Variants in ASTN1 observed in about 807,000 individuals in gnomAD.
ASTN1 encodes astrotactin 1, also known as astrotactin-1.
In ASTN1, 41 loss-of-function variants were observed where a neutral mutation model predicts 140.7. The observed-to-expected ratio is 0.29, with a 90% CI of 0.23 to 0.38. The LOEUF is 0.38. Ranked by LOEUF, ASTN1 falls within the 10% of genes least tolerant of loss-of-function variation. The pLI is 1.00. For synonymous variants in ASTN1, 640 were observed against 652.2 expected, an observed-to-expected ratio of 0.98 and a Z score of 0.29; for missense variants, 1,479 against 1,678.8, an observed-to-expected ratio of 0.88 and a Z score of 2.08.
At chr1:177,088,464 C>A (rs1047347027) in intron 1 of ASTN1, among the ~76,000 whole-genome samples, 1 of 152,126 alleles carries the variant, frequency 6.6e-6, no homozygotes, top group Non-Finnish European at 1.5e-5. Context: ...TCACCATGTG[C>A]CCGACTGGAT....
At chr1:176,879,089 C>T (rs1343653919) in intron 20 of ASTN1, among the ~76,000 whole-genome samples, 3 of 152,214 alleles carry the variant, frequency 2.0e-5, no homozygotes, top group Non-Finnish European at 4.4e-5. Context: ...CAGGCTGATG[C>T]TCTCAGGCCA....
chr1:177,024,287 C>T (rs1675984150), intron 6 of ASTN1, among the ~76,000 whole-genome samples: 1 of 152,176 alleles, frequency 6.6e-6, no homozygotes, highest in South Asian at 2.1e-4. Context: ...TTGGTGCCTT[C>T]CTTCCTCTAG....
intron 8 of ASTN1, among the ~76,000 whole-genome samples, chr1:177,011,645 T>A (rs997143843): frequency 1.4e-5 from 2 of 143,838 alleles, no homozygotes; most frequent in African/African-American, 2.6e-5. Context: ...CAGGCACCAC[T>A]CACACACACA....
At chr1:177,132,715 C>G (rs960666501) in intron 1 of ASTN1, among the ~76,000 whole-genome samples, 10 of 152,204 alleles carry the variant, frequency 6.6e-5, no homozygotes, top group Non-Finnish European at 4.4e-5. Flanking sequence ...ACTCTGCAAG[C>G]CACCTCGTAT....
At chr1:177,070,619 A>G (rs1444737092) in intron 1 of ASTN1, among the ~76,000 whole-genome samples, 1 of 152,106 alleles carries the variant, frequency 6.6e-6, no homozygotes, top group Non-Finnish European at 1.5e-5. Flanking sequence ...CCCTTTCAGT[A>G]TTCATGAACT....
chr1:176,911,882 C>A (rs749470081), intron 16 of ASTN1, among the ~76,000 whole-genome samples: 3 of 152,172 alleles, frequency 2.0e-5, no homozygotes, highest in Non-Finnish European at 4.4e-5. Context: ...CGACTGGCAG[C>A]GCAGTAGTTT....
intron 16 of ASTN1, 102 bp downstream of exon 16, chr1:176,934,050 T>C: frequency 1.6e-6 from 2 of 1,230,222 alleles, no homozygotes; most frequent in Non-Finnish European, 2.2e-6. Context: ...AAAATCTGAT[T>C]GAGTCGTTAC....
chr1:177,126,141 A>C (rs113202034), intron 1 of ASTN1, among the ~76,000 whole-genome samples: 2,396 of 152,202 alleles, frequency 0.016, 23 homozygotes, highest in South Asian at 0.026. Context: ...CCTTGCTGTC[A>C]GTGCTTTTAT....
intron 1 of ASTN1, among the ~76,000 whole-genome samples, chr1:177,130,849 G>GCATT (rs1681906935): frequency 6.6e-6 from 1 of 152,226 alleles, no homozygotes; most frequent in South Asian, 2.1e-4. Flanking sequence ...CTGGCATGCA[G>GCATT]CATTCTCTCT....
intron 7 of ASTN1, among the ~76,000 whole-genome samples, chr1:177,022,570 C>T (rs1469715738): frequency 6.6e-6 from 1 of 152,156 alleles, no homozygotes; most frequent in Non-Finnish European, 1.5e-5. Flanking sequence ...AGAATTTGAA[C>T]CCTCCCTCAG....
intron 4 of ASTN1, among the ~76,000 whole-genome samples, chr1:177,030,309 T>A (rs1047147266): frequency 2.6e-5 from 4 of 152,222 alleles, no homozygotes; most frequent in Admixed American, 2.0e-4. Flanking sequence ...AAAGGTTTTT[T>A]AATCTCTCTT....
chr1:177,064,817 G>T (rs1325928159), intron 1 of ASTN1, among the ~76,000 whole-genome samples: 1 of 152,230 alleles, frequency 6.6e-6, no homozygotes, highest in African/African-American at 2.4e-5. Flanking sequence ...TGGCACAGAA[G>T]TGCTACAATG....
intron 14 of ASTN1, among the ~76,000 whole-genome samples, chr1:176,937,847 A>G (rs894193017): frequency 6.6e-6 from 1 of 152,158 alleles, no homozygotes; most frequent in Non-Finnish European, 1.5e-5. Context: ...ATTTCGACCC[A>G]TGTTTCTTTC....
chr1:176,860,961 A>T, downstream of ASTN1: 1 of 490,122 alleles, frequency 2.0e-6, no homozygotes, highest in Non-Finnish European at 2.6e-6. Flanking sequence ...TATAAGGCCC[A>T]TTATGTCTGG....
chr1:177,160,389 T>G (rs1647288455), intron 1 of ASTN1, among the ~76,000 whole-genome samples: 1 of 152,226 alleles, frequency 6.6e-6, no homozygotes, highest in African/African-American at 2.4e-5. Context: ...TGTGGGAATT[T>G]ACTACATCTC....
rs760547197 is a variant in ASTN1 at position 176,965,153 on chromosome 1, A to G, written c.1598+10T>C. 8 of 1,613,086 alleles carry G rather than the reference A, an allele frequency of 5.0e-6. No homozygotes were observed. Among genetic ancestry groups the G allele is most frequent in the Non-Finnish European group, 6.8e-6 (8 of 1,179,206 alleles). On this transcript the variant is annotated intron_variant, in intron 9 of 22. Coordinates refer to ENST00000361833, the MANE Select transcript of ASTN1 (RefSeq NM_004319.3). ...GACGTACATAAGCAAGTCCCTAGAC[A>G]ATCACTTACCTAAATATTTTATCAG...
At chr1:177,027,713 AGTGTGTGTGTGTGTGTGTGT>A (rs56405518) in intron 5 of ASTN1, among the ~76,000 whole-genome samples, 46 of 118,658 alleles carry the variant, frequency 3.9e-4, no homozygotes, top group African/African-American at 6.8e-4. Flanking sequence ...AACCCAGTAC[AGTGTGTGTGTGTGTGTGTGT>A]GTGTGTGTGT....
At chr1:176,952,781 C>T (rs1672246301) in intron 11 of ASTN1, among the ~76,000 whole-genome samples, 1 of 152,272 alleles carries the variant, frequency 6.6e-6, no homozygotes, top group East Asian at 1.9e-4. Context: ...TTTGCAAGGG[C>T]TGGATATTCT....
At chr1:177,070,901 GT>G (rs1444404520) in intron 1 of ASTN1, among the ~76,000 whole-genome samples, 1 of 152,172 alleles carries the variant, frequency 6.6e-6, no homozygotes, top group Non-Finnish European at 1.5e-5. Flanking sequence ...AGTACCTGGA[GT>G]TTAACACTAA....
Sources: allele counts gnomAD v4.1 joint callset (sites outside exome capture counted in the v4.1 genomes callset), GRCh38; gene constraint gnomAD v4.1.1; transcripts MANE v1.5; gene names NCBI Gene and HGNC (gene_info 2026-07-23, HGNC 2026-07-21).